STK32A: variants seen among roughly 807,000 people sequenced by gnomAD.
STK32A encodes the protein serine/threonine kinase 32A.
In STK32A, 41 loss-of-function variants were observed where a neutral mutation model predicts 53.2. That is an observed-to-expected ratio of 0.77 (90% CI 0.60 to 1.00). STK32A has a LOEUF of 1.00. Among genes scored for constraint, STK32A ranks in the 50% least tolerant of loss-of-function variants. The pLI is 0.00. For missense variants in STK32A, 458 were observed against 485.8 expected, an observed-to-expected ratio of 0.94 and a Z score of 0.54; for synonymous variants, 166 against 162.8, an observed-to-expected ratio of 1.02 and a Z score of -0.15.
chr5:147,373,130 T>C (rs759965500), intron 9 of STK32A, 39 bp from the exon 10 acceptor site: 1 of 1,608,488 alleles, frequency 6.2e-7, no homozygotes, highest in South Asian at 1.1e-5. Flanking sequence ...TGTCCTTCTA[T>C]CCTTTCTTAT....
At chr5:147,304,172 A>T (rs889127351) in intron 4 of STK32A, among the ~76,000 whole-genome samples, 2 of 152,212 alleles carry the variant, frequency 1.3e-5, no homozygotes, top group East Asian at 3.8e-4. Context: ...GTCAGCTCCA[A>T]CCAATTTTCT....
intron 8 of STK32A, among the ~76,000 whole-genome samples, chr5:147,365,504 A>C (rs1350642856): frequency 6.6e-6 from 1 of 151,554 alleles, no homozygotes; most frequent in Non-Finnish European, 1.5e-5. Context: ...TTTTTTTTTC[A>C]AGTTTCTAAA....
intron 2 of STK32A, among the ~76,000 whole-genome samples, chr5:147,259,975 C>T (rs1754437832): frequency 7.0e-6 from 1 of 141,926 alleles, no homozygotes. Flanking sequence ...TCTCTCCTCT[C>T]TGTGTCTCTT....
intron 4 of STK32A, among the ~76,000 whole-genome samples, chr5:147,300,515 G>A (rs1362645622): frequency 1.3e-5 from 2 of 152,190 alleles, no homozygotes; most frequent in African/African-American, 4.8e-5. Context: ...TTCCACAACA[G>A]TGCCTACCGC....
chr5:147,247,417 A>G (rs754374010), intron 2 of STK32A, among the ~76,000 whole-genome samples: 1 of 152,260 alleles, frequency 6.6e-6, no homozygotes, highest in Non-Finnish European at 1.5e-5. Context: ...ACTTCTGGCT[A>G]TAGATTTTGA....
Position 147,384,421 on chromosome 5 carries a change from C to A in STK32A, c.*438C>A. ...CAGGACTCAGTGAGACTTTTCAGAC[C>A]TCGAAAGTTTCATAAAGTGGTCAGA... On this transcript the variant is annotated 3_prime_UTR_variant, in exon 13 of 13. Transcript: ENST00000397936. 6.5e-7 allele frequency: 1 copy of A among 1,533,782 alleles called. No individual in the cohort carries two copies. The highest frequency in any genetic ancestry group is 8.7e-7 in the Non-Finnish European group (1 of 1,145,864).
chr5:147,333,340 T>C (rs1175655174), intron 5 of STK32A, among the ~76,000 whole-genome samples: 1 of 152,238 alleles, frequency 6.6e-6, no homozygotes, highest in Non-Finnish European at 1.5e-5. Context: ...ATATATATAA[T>C]GCATATAGTT....
chr5:147,391,103 T>A (rs1231427970), downstream of STK32A: 1 of 152,544 alleles, frequency 6.6e-6, no homozygotes, highest in Non-Finnish European at 1.5e-5. Flanking sequence ...AAGCTGGAGT[T>A]TTCCAGGGGA....
At chr5:147,369,565 T>C (rs985899721) in intron 8 of STK32A, among the ~76,000 whole-genome samples, 2 of 152,146 alleles carry the variant, frequency 1.3e-5, no homozygotes, top group Admixed American at 6.5e-5. Flanking sequence ...AGAAATTGAG[T>C]GGAGAAGTTT....
At position 147,242,242 on chromosome 5, in the gene STK32A, C is replaced by T. The variant is rs141420484; in HGVS notation, c.52+2556C>T. Among the ~76,000 whole-genome samples the T allele has an allele frequency of 2.6e-4, 39 of 152,278 alleles. 2 individuals are homozygous for T. The East Asian group carries it at 4.4e-3, about 17-fold the overall frequency. On this transcript the variant is annotated intron_variant, in intron 2 of 12. Transcript: ENST00000397936. Reference sequence around the variant, plus strand: ...GTCTGTGCCTCCCAAAGGTGCTAGGCTCTCTGTCTGTTTATGCAGACAGTT... The same window carrying T: ...GTCTGTGCCTCCCAAAGGTGCTAGGTTCTCTGTCTGTTTATGCAGACAGTT...
chr5:147,327,305 A>T (rs1001085608), intron 5 of STK32A, among the ~76,000 whole-genome samples: 1 of 152,208 alleles, frequency 6.6e-6, no homozygotes, highest in Non-Finnish European at 1.5e-5. Context: ...AGCCCGATTC[A>T]TGTTGTACTT....
chr5:147,278,101 T>C (rs1391130369), intron 2 of STK32A, 23 bp from the exon 3 acceptor site: 3 of 1,563,220 alleles, frequency 1.9e-6, no homozygotes, highest in Non-Finnish European at 2.6e-6. Flanking sequence ...TTACTCATGA[T>C]ATTCTTCTTT....
At chr5:147,401,905 C>A in the STK32A span, 2 of 469,584 alleles carry the variant, frequency 4.3e-6, no homozygotes, top group East Asian at 4.0e-5. Flanking sequence ...TTAAAAGAAG[C>A]CATTGGTTGT....
chr5:147,241,074 A>T (rs1404484347), intron 2 of STK32A, among the ~76,000 whole-genome samples: 1 of 152,344 alleles, frequency 6.6e-6, no homozygotes, highest in African/African-American at 2.4e-5. Flanking sequence ...GTTCTGTTTT[A>T]TTACAAAAGA....
chr5:147,296,752 G>A (rs1474519365), intron 4 of STK32A, among the ~76,000 whole-genome samples: 3 of 152,130 alleles, frequency 2.0e-5, no homozygotes, highest in African/African-American at 2.4e-5. Flanking sequence ...ACAACCACCT[G>A]ACCATCACCT....
intron 4 of STK32A, among the ~76,000 whole-genome samples, chr5:147,286,975 G>A (rs1033082198): frequency 3.3e-5 from 5 of 152,208 alleles, no homozygotes; most frequent in East Asian, 1.9e-4. Context: ...GAATTTATAC[G>A]AAGCACTTTC....
In STK32A at chr5:147,375,171, C is replaced by T. The variant is rs368176756; in HGVS notation, c.985C>T (p.Arg329Cys). 4.3e-6 allele frequency: 7 copies of T among 1,610,192 alleles called. No individual in the cohort carries two copies. Among genetic ancestry groups the T allele is most frequent in the South Asian group, 3.3e-5 (3 of 90,164 alleles). ...CAAACCTCTACATAAGAAAAAAAAG[C>T]GTCTGGCAAAGAAGGAGAAGGATAT... ...ESKPLHKKKK[R>C]LAKKEKDMRK... The change falls in exon 11 of 13, where the codon CGT becomes TGT. Residue 329 changes from arginine to cysteine, a missense_variant. Transcript: ENST00000397936.
At chr5:147,371,138 A>G (rs1326515869) in intron 9 of STK32A, among the ~76,000 whole-genome samples, 1 of 152,170 alleles carries the variant, frequency 6.6e-6, no homozygotes, top group East Asian at 1.9e-4. Context: ...TATTTTAAGT[A>G]TTAAAATATT....
intron 8 of STK32A, among the ~76,000 whole-genome samples, chr5:147,367,770 G>A (rs1369206122): frequency 1.3e-5 from 2 of 152,106 alleles, no homozygotes; most frequent in Admixed American, 1.3e-4. Context: ...AGGTCACAGG[G>A]GATATGATGG....
Sources: gnomAD v4.1 joint callset for allele counts (sites outside exome capture counted in the v4.1 genomes callset) on GRCh38, gnomAD v4.1.1 for gene constraint, MANE v1.5 for transcripts, NCBI Gene and HGNC (gene_info 2026-07-23, HGNC 2026-07-21) for gene names.